Variants in TOGARAM1 observed in about 807,000 individuals in gnomAD.
TOGARAM1 encodes the protein TOG array regulator of axonemal microtubules protein 1.
In TOGARAM1, 100 loss-of-function variants were observed where a neutral mutation model predicts 166.6. That is an observed-to-expected ratio of 0.60 (90% CI 0.51 to 0.71). TOGARAM1 has a LOEUF of 0.71. Among genes scored for constraint, TOGARAM1 ranks in the 30% least tolerant of loss-of-function variants. The pLI is 0.00. For missense variants in TOGARAM1, 2,029 were observed against 2,102.7 expected, an observed-to-expected ratio of 0.96 and a Z score of 0.69; for synonymous variants, 758 against 763.8, an observed-to-expected ratio of 0.99 and a Z score of 0.13.
chr14:45,054,792 T>G (rs1029400617), intron 16 of TOGARAM1, among the ~76,000 whole-genome samples: 2 of 152,232 alleles, frequency 1.3e-5, no homozygotes, highest in Admixed American at 1.3e-4. Context: ...TGGTCGATGT[T>G]AGGCCTATTT....
At chr14:45,006,708 T>G (rs1357689128) in intron 5 of TOGARAM1, 1 of 152,558 alleles carries the variant, frequency 6.6e-6, no homozygotes, top group Admixed American at 6.5e-5. Flanking sequence ...ATATGTCTTA[T>G]GTATTTTTGT....
rs1010294372 is a variant in TOGARAM1 at position 45,031,914 on chromosome 14, C to CT, written c.3659-306dup. Among the ~76,000 whole-genome samples the CT allele has an allele frequency of 1.4e-4, 22 of 152,216 alleles. 1 individual carries two copies. The highest frequency in any genetic ancestry group is 5.2e-4 in the Admixed American group (8 of 15,288). On this transcript the variant is annotated intron_variant, in intron 10 of 19. Transcript: ENST00000361462. ...GTGGCTCATGCCTGTAATCCCATCA[C>CT]TTTGGGAGGCTGAGGCGGATGGATT...
At chr14:45,058,925 T>G (rs1882773816) in intron 16 of TOGARAM1, among the ~76,000 whole-genome samples, 1 of 152,160 alleles carries the variant, frequency 6.6e-6, no homozygotes, top group South Asian at 2.1e-4. Flanking sequence ...AGTTTTATAC[T>G]TTCTTATGTT....
intron 1 of TOGARAM1, among the ~76,000 whole-genome samples, chr14:44,990,837 G>T (rs1290280247): frequency 6.6e-6 from 1 of 151,630 alleles, no homozygotes; most frequent in African/African-American, 2.4e-5. Flanking sequence ...TTGTTTTTGA[G>T]ATGGGGTCTT....
chr14:44,963,451 A>G lies in TOGARAM1; in HGVS notation c.1030A>G (p.Ser344Gly). The G allele has an allele frequency of 6.2e-7, 1 of 1,614,200 alleles. No homozygotes were observed. The highest frequency in any genetic ancestry group is 8.5e-7 in the Non-Finnish European group (1 of 1,180,044). ...PLPCAVTLSNSNLKFGIIPQE... is the reference protein window; with the variant it reads ...PLPCAVTLSNGNLKFGIIPQE... ...TCCCTGTGCAGTGACTCTTTCCAAC[A>G]GCAATCTTAAATTTGGGATTATTCC... The change falls in exon 1 of 20, where the codon AGC becomes GGC. Residue 344 changes from serine (S) to glycine (G), a missense_variant. Physicochemically the swap from Ser to Gly is moderately conservative, Grantham distance 56. Coordinates refer to ENST00000361462, the MANE Select transcript of TOGARAM1 (RefSeq NM_001308120.2).
chr14:45,070,181 C>T (rs1883317597), intron 18 of TOGARAM1, among the ~76,000 whole-genome samples: 1 of 150,354 alleles, frequency 6.7e-6, no homozygotes, highest in Non-Finnish European at 1.5e-5. Flanking sequence ...GACTCCATCT[C>T]AAAAAAAAGA....
intron 7 of TOGARAM1, among the ~76,000 whole-genome samples, chr14:45,025,192 C>T (rs1162233105): frequency 6.6e-6 from 1 of 152,102 alleles, no homozygotes; most frequent in Non-Finnish European, 1.5e-5. Context: ...TTTTTGATGA[C>T]CCTTTTGTTG....
chr14:45,037,926 G>C (rs1881518904), intron 11 of TOGARAM1, among the ~76,000 whole-genome samples: 1 of 151,878 alleles, frequency 6.6e-6, no homozygotes, highest in African/African-American at 2.4e-5. Flanking sequence ...GCTGAGACAG[G>C]AGAATCGCTT....
At position 45,071,830 on chromosome 14, in the gene TOGARAM1, T is replaced by G. The variant is rs543735527; in HGVS notation, c.5056+32T>G. On this transcript the variant is annotated intron_variant, in intron 19 of 19. Transcript: ENST00000361462. ...ACTTTGTAATTTCTAAAGAAATATTTTATTAACTAAGGATAAACTGATAAA... is the reference window on the plus strand; with the variant it reads ...ACTTTGTAATTTCTAAAGAAATATTGTATTAACTAAGGATAAACTGATAAA... The G allele has an allele frequency of 1.3e-6, 2 of 1,506,838 alleles. 1 individual carries two copies. Among genetic ancestry groups the G allele is most frequent in the South Asian group, 2.4e-5 (2 of 85,094 alleles). The allele number at this position is 1,506,838 out of a possible 1,614,324, so 93.3% of individuals were successfully genotyped here. A position where few individuals can be genotyped will look rare whatever the true frequency, so the allele number is the denominator to read the frequency against.
intron 4 of TOGARAM1, 89 bp downstream of exon 4, chr14:45,004,455 G>A: frequency 1.0e-6 from 1 of 971,822 alleles, no homozygotes; most frequent in Non-Finnish European, 1.5e-6. Context: ...TTAAAAGCTA[G>A]TAAACTACAT....
chr14:45,071,573 A>T, intron 18 of TOGARAM1, 139 bp from the exon 19 acceptor site: 2 of 513,248 alleles, frequency 3.9e-6, no homozygotes, highest in Admixed American at 7.8e-5. Context: ...AATTTTAAAT[A>T]GTGATTATGT....
chr14:45,000,699 T>C (rs1247719862), intron 3 of TOGARAM1, among the ~76,000 whole-genome samples: 1 of 152,146 alleles, frequency 6.6e-6, no homozygotes, highest in Non-Finnish European at 1.5e-5. Context: ...CTGATTTCCT[T>C]CTTTCGATAT....
In TOGARAM1 at chr14:45,032,167, T is replaced by TA. The variant is rs904390053; in HGVS notation, c.3659-51dup. 7 of 1,525,050 alleles carry TA rather than the reference T, an allele frequency of 4.6e-6. No homozygotes were observed. In the African/African-American group the frequency reaches 5.6e-5, roughly 12 times the overall value. The allele number at this position is 1,525,050 out of a possible 1,614,324, so 94.5% of individuals were successfully genotyped here. ...ACAGCGAGACTCCATCTCAAAAAGA[T>TA]AAAAATTTTTTTTAAAAAGGTTCTC... On this transcript the variant is annotated intron_variant, in intron 10 of 19. Transcript: ENST00000361462.
At position 45,027,447 on chromosome 14, in the gene TOGARAM1, A is replaced by G. The variant is rs1209754358; in HGVS notation, c.3477A>G (p.Ser1159=). The G allele has an allele frequency of 1.9e-6, 3 of 1,609,340 alleles. No individual in the cohort carries two copies. Among genetic ancestry groups the G allele is most frequent in the Admixed American group, 3.4e-5 (2 of 58,964 alleles). The change falls in exon 9 of 20, where the codon TCA becomes TCG. Residue 1159 remains serine, a synonymous_variant. Transcript: ENST00000361462. ...GATCAGTCCAGCAAAATATTTCATC[A>G]TATCTTGATGTTGAGAATGAAAAAG... ...YGRSVQQNIS[S]YLDVENEKDA... is the part of the protein sequence containing the mutation.
At chr14:45,028,089 C>A in intron 9 of TOGARAM1, 87 bp from the exon 10 acceptor site, 1 of 1,174,210 alleles carries the variant, frequency 8.5e-7, no homozygotes, top group Non-Finnish European at 1.2e-6. Context: ...GACTAATATC[C>A]TCAGACACAA....
chr14:45,052,637 A>G (rs1566666172), intron 15 of TOGARAM1, 75 bp downstream of exon 15: 3 of 1,310,720 alleles, frequency 2.3e-6, no homozygotes, highest in East Asian at 2.4e-5. Context: ...AAGGATAGGA[A>G]TAATTATTTA....
At chr14:45,023,835 G>C (rs776327926) in intron 7 of TOGARAM1, among the ~76,000 whole-genome samples, 3 of 152,038 alleles carry the variant, frequency 2.0e-5, no homozygotes, top group Non-Finnish European at 2.9e-5. Context: ...CTGCCTTTCA[G>C]GTTCAAGCGA....
chr14:45,051,504 T>A (rs551708475), intron 14 of TOGARAM1, among the ~76,000 whole-genome samples: 2 of 152,038 alleles, frequency 1.3e-5, no homozygotes, highest in African/African-American at 4.8e-5. Flanking sequence ...GCAGAAGGAT[T>A]TGAAGACAGT....
intron 14 of TOGARAM1, among the ~76,000 whole-genome samples, chr14:45,051,255 G>A (rs547937642): frequency 1.3e-5 from 2 of 152,268 alleles, no homozygotes; most frequent in African/African-American, 2.4e-5. Context: ...ATAGGATTCT[G>A]AAGAATCAGA....
Sources: gnomAD v4.1 joint callset for allele counts (sites outside exome capture counted in the v4.1 genomes callset) on GRCh38, gnomAD v4.1.1 for gene constraint, MANE v1.5 for transcripts, NCBI Gene and HGNC (gene_info 2026-07-23, HGNC 2026-07-21) for gene names.